LCORL: variants seen among roughly 807,000 people sequenced by gnomAD.
The protein encoded by LCORL is ligand-dependent nuclear receptor corepressor-like protein.
Under a neutral mutation model 141.8 loss-of-function variants are expected in LCORL, and 41 were observed. The ratio of observed to expected loss-of-function variants is 0.29; its 90% CI spans 0.23 to 0.38. LCORL has a LOEUF of 0.38. LCORL is among the 10% of genes least tolerant of loss of function. LCORL has a pLI of 1.00. For missense variants in LCORL, 1,759 were observed against 2,035.0 expected (o/e 0.86, Z 2.61); for synonymous variants, 618 against 694.1 (o/e 0.89, Z 1.72).
At chr4:17,978,057 T>C (rs879339514) in intron 1 of LCORL, among the ~76,000 whole-genome samples, 1 of 152,208 alleles carries the variant, frequency 6.6e-6, no homozygotes, top group Non-Finnish European at 1.5e-5. Flanking sequence ...GAACATAACT[T>C]AGCAAACTTT....
chr4:17,900,605 A>G (rs764365487), intron 5 of LCORL, among the ~76,000 whole-genome samples: 8 of 152,148 alleles, frequency 5.3e-5, no homozygotes, highest in Non-Finnish European at 5.9e-5. Context: ...GGAAAAAGTA[A>G]CAATTAACTT....
intron 5 of LCORL, among the ~76,000 whole-genome samples, chr4:17,890,583 A>G (rs1728931823): frequency 6.6e-6 from 1 of 152,074 alleles, no homozygotes; most frequent in South Asian, 2.1e-4. Context: ...CTAACATTTA[A>G]TAAATACAAA....
In LCORL at chr4:18,008,851, T is replaced by G. The variant is rs73802714; in HGVS notation, c.154+12747A>C. Among the ~76,000 whole-genome samples the G allele has an allele frequency of 8.2e-3, 1,252 of 152,276 alleles. 7 individuals carry two copies. Among genetic ancestry groups the G allele is most frequent in the African/African-American group, 0.028 (1,148 of 41,542 alleles). Reference sequence around the variant, plus strand: ...AAGAACATACGTAGACTAATGACACTGTTTTTAAATACTTTTATGTTTTAA... The same window carrying G: ...AAGAACATACGTAGACTAATGACACGGTTTTTAAATACTTTTATGTTTTAA... On this transcript the variant is annotated intron_variant, in intron 1 of 7. Coordinates refer to ENST00000635767, the Ensembl canonical transcript of LCORL.
chr4:17,971,072 G>GT (rs1430235509), intron 2 of LCORL, among the ~76,000 whole-genome samples: 1 of 152,004 alleles, frequency 6.6e-6, no homozygotes, highest in Non-Finnish European at 1.5e-5. Context: ...AAGAGTTTCA[G>GT]TAAGAAAAAT....
intron 1 of LCORL, among the ~76,000 whole-genome samples, chr4:17,990,337 G>C (rs1719762992): frequency 6.6e-6 from 1 of 151,924 alleles, no homozygotes; most frequent in Non-Finnish European, 1.5e-5. Context: ...CTGACCTTGT[G>C]ATCCACCCGC....
At chr4:17,847,783 G>C (rs1218460274) in intron 7 of LCORL, among the ~76,000 whole-genome samples, 1 of 152,118 alleles carries the variant, frequency 6.6e-6, no homozygotes, top group Non-Finnish European at 1.5e-5. Context: ...TCCAAGGACT[G>C]CTAGTCTTCA....
At position 18,021,032 on chromosome 4, in the gene LCORL, C is replaced by T. The variant is rs992599647; in HGVS notation, c.154+566G>A. 3.9e-5 allele frequency among the ~76,000 whole-genome samples: 6 copies of T among 152,120 alleles called. No individual in the cohort carries two copies. Among genetic ancestry groups the T allele is most frequent in the Non-Finnish European group, 8.8e-5 (6 of 67,978 alleles). ...CGGACGACGCCCCCGCCGCCCCTCG[C>T]CCCCAGCCGGCCCATCAGCGGCCCC... On this transcript the variant is annotated intron_variant, in intron 1 of 7. Coordinates refer to ENST00000635767, the Ensembl canonical transcript of LCORL. The surrounding 1 kb of genome is among the most constrained non-coding windows in gnomAD (Gnocchi z 5.5).
At chr4:17,882,724 A>G (rs1197843262) in intron 6 of LCORL, 3 of 984,058 alleles carry the variant, frequency 3.0e-6, no homozygotes, top group Non-Finnish European at 3.6e-6. Flanking sequence ...CAAATATATT[A>G]AAGTTACACT....
intron 1 of LCORL, among the ~76,000 whole-genome samples, chr4:17,999,777 T>A (rs1479074118): frequency 6.6e-6 from 1 of 152,210 alleles, no homozygotes; most frequent in Non-Finnish European, 1.5e-5. Context: ...CAATGTTCCT[T>A]AAAATCTCAG....
At chr4:18,001,974 C>A (rs1424163718) in intron 1 of LCORL, among the ~76,000 whole-genome samples, 2 of 152,192 alleles carry the variant, frequency 1.3e-5, no homozygotes, top group Non-Finnish European at 2.9e-5. Flanking sequence ...CATCCACACA[C>A]ATATGTTTGT....
At chr4:17,991,264 A>C (rs187838847) in intron 1 of LCORL, among the ~76,000 whole-genome samples, 83 of 152,306 alleles carry the variant, frequency 5.4e-4, no homozygotes, top group Non-Finnish European at 1.5e-4. Flanking sequence ...TTTGCTTTTA[A>C]AGACTCTACT....
intron 1 of LCORL, among the ~76,000 whole-genome samples, chr4:17,993,537 G>GAA (rs34428811): frequency 6.8e-6 from 1 of 147,196 alleles, no homozygotes; most frequent in Non-Finnish European, 1.5e-5. Flanking sequence ...TCTACAAATT[G>GAA]AAAAAAAAAA....
intron 6 of LCORL, chr4:17,882,361 C>G: frequency 1.0e-6 from 1 of 984,080 alleles, no homozygotes; most frequent in Non-Finnish European, 1.2e-6. Flanking sequence ...AATCCCTATT[C>G]TTTATATGAA....
chr4:18,011,484 A>G (rs1260979631), intron 1 of LCORL, among the ~76,000 whole-genome samples: 2 of 151,958 alleles, frequency 1.3e-5, no homozygotes, highest in Non-Finnish European at 2.9e-5. Context: ...TGTAGAAGCT[A>G]TAATTTATAC....
Position 18,021,687 on chromosome 4 carries a change from G to A in LCORL, c.65C>T (p.Ala22Val), listed in dbSNP as rs1451450292. 1 of 1,487,110 alleles carries A rather than the reference G, an allele frequency of 6.7e-7. No individual in the cohort carries two copies. The allele number at this position is 1,487,110 out of a possible 1,614,324, so 92.1% of individuals were successfully genotyped here. A position where few individuals can be genotyped will look rare whatever the true frequency, so the allele number is the denominator to read the frequency against. ...CGCGCACCGAGGGCTCCGGCACTGA[G>A]CGGCGGCGGCGGCGGCGGCAGCAGC... Residue 22 changes from alanine (A) to valine (V), a missense_variant, in exon 1 of 8, where the codon GCT (alanine) becomes GTT (valine). Coordinates refer to ENST00000635767, the Ensembl canonical transcript of LCORL. This position sits in a 1 kb window ranked among gnomAD's most constrained non-coding sequence, Gnocchi z 5.5.
chr4:17,872,140 C>A (rs1167093950), intron 7 of LCORL, among the ~76,000 whole-genome samples: 5 of 151,012 alleles, frequency 3.3e-5, no homozygotes, highest in South Asian at 4.2e-4. Flanking sequence ...AATGATGCAA[C>A]TATATAATAT....
chr4:17,999,078 T>G (rs1017146781), intron 1 of LCORL, among the ~76,000 whole-genome samples: 1 of 149,082 alleles, frequency 6.7e-6, no homozygotes, highest in African/African-American at 2.5e-5. Flanking sequence ...TCAAGTATTA[T>G]GTACTGTACA....
chr4:17,998,417 T>C (rs1345259873), intron 1 of LCORL, among the ~76,000 whole-genome samples: 1 of 152,150 alleles, frequency 6.6e-6, no homozygotes, highest in Non-Finnish European at 1.5e-5. Flanking sequence ...TCTTATTCTA[T>C]AATTTTTTTC....
At chr4:17,879,130 T>C (rs775151271) in intron 6 of LCORL, among the ~76,000 whole-genome samples, 7 of 151,150 alleles carry the variant, frequency 4.6e-5, no homozygotes, top group Non-Finnish European at 1.0e-4. Context: ...AATTTTAAGG[T>C]TGGAATAATG....
Sources: allele counts gnomAD v4.1 joint callset (sites outside exome capture counted in the v4.1 genomes callset), GRCh38; gene constraint gnomAD v4.1.1; non-coding constraint Gnocchi (gnomAD v3.1); transcripts MANE v1.5; gene names NCBI Gene and HGNC (gene_info 2026-07-23, HGNC 2026-07-21).